Variants in APOH observed in about 807,000 individuals in gnomAD.
The protein encoded by APOH is beta-2-glycoprotein 1.
Under a neutral mutation model 39.8 loss-of-function variants are expected in APOH, and 48 were observed. That is an observed-to-expected ratio of 1.21 (90% CI 0.96 to 1.54). The LOEUF (loss-of-function observed/expected upper bound fraction) is 1.54, where lower values mean the gene tolerates loss of function less well. APOH is among the 40% of genes most tolerant of loss of function. The pLI is 0.00. For synonymous variants in APOH, 153 were observed against 151.1 expected, an observed-to-expected ratio of 1.01 and a Z score of -0.09; for missense variants, 415 against 421.2, an observed-to-expected ratio of 0.99 and a Z score of 0.13.
Position 66,224,678 on chromosome 17 carries a change from G to T in APOH, c.339-904C>A, listed in dbSNP as rs1180729829. On this transcript the variant is annotated intron_variant, in intron 3 of 7. Coordinates refer to ENST00000205948, the MANE Select transcript of APOH (RefSeq NM_000042.3). ...GAAGGGAAGGGAAGGGAAGGGAAGG[G>T]AAGGGAAGGGAAGGGAAAGGAAAGG... Among the ~76,000 whole-genome samples, 22 of 50,884 alleles carry T rather than the reference G, an allele frequency of 4.3e-4. 1 individual carries two copies. The highest frequency in any genetic ancestry group is 1.5e-3 in the African/African-American group (14 of 9,522). 33.4% of individuals were successfully genotyped at this position (50,884 alleles called of 152,430 possible). A position where few individuals can be genotyped will look rare whatever the true frequency, so the allele number is the denominator to read the frequency against.
Position 66,220,662 on chromosome 17 carries a change from A to G in APOH, c.496T>C (p.Tyr166His). The change falls in exon 5 of 8, where the codon TAT (tyrosine) becomes CAT (histidine). Residue 166 changes from tyrosine to histidine, a missense_variant. Tyr to His is a moderately conservative substitution (Grantham distance 83). Around this residue, in one of 3 missense-constraint regions of APOH, gnomAD observed 288 missense variants for 284.9 expected, o/e 1.01. Coordinates refer to ENST00000205948, the MANE Select transcript of APOH (RefSeq NM_000042.3). ...YKPSAGNNSL[Y>H]RDTAVFECLP... Reference sequence around the variant, plus strand: ...CATTCAAAAACTGCTGTGTCCCGATAGAGGGAATTGTTTCCAGCTGATGGC... The same window carrying G: ...CATTCAAAAACTGCTGTGTCCCGATGGAGGGAATTGTTTCCAGCTGATGGC... 6.2e-7 allele frequency: 1 copy of G among 1,614,206 alleles called. No homozygotes were observed. The highest frequency in any genetic ancestry group is 2.2e-5 in the East Asian group (1 of 44,892).
chr17:66,225,448 T>C (rs539648551), intron 3 of APOH, among the ~76,000 whole-genome samples: 1 of 152,280 alleles, frequency 6.6e-6, no homozygotes, highest in South Asian at 2.1e-4. Flanking sequence ...ACCAGGTTGG[T>C]CAATCAAATT....
At position 66,213,975 on chromosome 17, in the gene APOH, C is replaced by T. The variant is rs377253542; in HGVS notation, c.982+478G>A. Among the ~76,000 whole-genome samples the T allele has an allele frequency of 1.1e-4, 17 of 152,026 alleles. No individual in the cohort carries two copies. The East Asian group carries it at 2.5e-3, about 23-fold the overall frequency. ...TTGGAAAGGAAAATGCAAGTGGGGA[C>T]GCCATCTGCAGCTCACTGCTTCATA... On this transcript the variant is annotated intron_variant, in intron 7 of 7. Coordinates refer to ENST00000205948, the MANE Select transcript of APOH (RefSeq NM_000042.3).
chr17:66,217,963 T>C (rs2073375459), intron 5 of APOH, among the ~76,000 whole-genome samples: 1 of 151,784 alleles, frequency 6.6e-6, no homozygotes, highest in African/African-American at 2.4e-5. Context: ...TAAGAATCCA[T>C]GTGTCTATAA....
chr17:66,218,201 A>G lies in APOH; in HGVS notation c.605-1234T>C, dbSNP rs116584202. ...AGGTTGCTTACTATTCCAAAGAAAA[A>G]GCAGTGCCTTTACCAAAAGGTGATC... On this transcript the variant is annotated intron_variant, in intron 5 of 7. Transcript: ENST00000205948. 8.4e-4 allele frequency among the ~76,000 whole-genome samples: 128 copies of G among 152,340 alleles called. 1 individual carries two copies. The highest frequency in any genetic ancestry group is 3.0e-3 in the African/African-American group (123 of 41,588).
At position 66,223,742 on chromosome 17, in the gene APOH, C is replaced by T; in HGVS notation, c.371G>A (p.Cys124Tyr). 1 of 1,614,206 alleles carries T rather than the reference C, an allele frequency of 6.2e-7. No homozygotes were observed. The highest frequency in any genetic ancestry group is 8.5e-7 in the Non-Finnish European group (1 of 1,180,028). Residue 124 changes from cysteine (C) to tyrosine (Y), a missense_variant, in exon 4 of 8, where the codon TGC becomes TAC. By Grantham distance (194) the Cys-to-Tyr change is radical. Coordinates refer to ENST00000205948, the MANE Select transcript of APOH (RefSeq NM_000042.3). ...CGGGCTCCATTTTCCTTCCTCAGTG[C>T]ACTTGGCAGAATCAGCGCCATTCAG... ...FYLNGADSAKCTEEGKWSPEL... is the reference protein window; with the variant it reads ...FYLNGADSAKYTEEGKWSPEL...
chr17:66,228,842 T>C (rs957479685), intron 1 of APOH, among the ~76,000 whole-genome samples: 1 of 151,790 alleles, frequency 6.6e-6, no homozygotes, highest in African/African-American at 2.4e-5. Context: ...TTCTTATTAT[T>C]ATTATTGTTG....
chr17:66,219,780 A>T (rs1294659768), intron 5 of APOH, among the ~76,000 whole-genome samples: 1 of 152,072 alleles, frequency 6.6e-6, no homozygotes, highest in Admixed American at 6.6e-5. Flanking sequence ...TTAGCCAAGT[A>T]TGGTGACGGG....
At chr17:66,219,402 A>G (rs2073384240) in intron 5 of APOH, among the ~76,000 whole-genome samples, 1 of 152,092 alleles carries the variant, frequency 6.6e-6, no homozygotes, top group African/African-American at 2.4e-5. Flanking sequence ...TGATACGTCT[A>G]GGTGAAATTG....
intron 7 of APOH, among the ~76,000 whole-genome samples, 199 bp from the exon 8 acceptor site, chr17:66,212,387 T>C (rs1426824303): frequency 6.6e-6 from 1 of 152,178 alleles, no homozygotes; most frequent in Non-Finnish European, 1.5e-5. Context: ...TTTTTCTTTT[T>C]CTTTTTCCTT....
intron 7 of APOH, among the ~76,000 whole-genome samples, chr17:66,213,935 CAA>C (rs539350788): frequency 2.2e-5 from 3 of 135,898 alleles, no homozygotes; most frequent in Admixed American, 7.5e-5. Flanking sequence ...GACCTTGTCT[CAA>C]AAAAAAAAAA....
rs770893310 is a variant in APOH, at chr17:66,223,705, G to C, written c.408C>G (p.Val136=). Reference sequence around the variant, plus strand: ...CCTTGCCCACAGACTTACGAGCACAGACAGGAAGCTCCGGGCTCCATTTTC... The same window carrying C: ...CCTTGCCCACAGACTTACGAGCACACACAGGAAGCTCCGGGCTCCATTTTC... The part of the protein sequence containing the change: ...EEGKWSPELP[V]CAPIICPPPS... Residue 136 remains valine, a synonymous_variant, in exon 4 of 8, where the codon GTC becomes GTG. Coordinates refer to ENST00000205948, the MANE Select transcript of APOH (RefSeq NM_000042.3). 6.2e-7 allele frequency: 1 copy of C among 1,614,154 alleles called. No individual in the cohort carries two copies. The highest frequency in any genetic ancestry group is 8.5e-7 in the Non-Finnish European group (1 of 1,179,972).
Position 66,212,220 on chromosome 17 carries a change from GA to G in APOH, c.983-33del, listed in dbSNP as rs8178950. ...GGGGAGAAAAAGATAAACATTCTAA[GA>G]GAAACAATCATTTCTTAAATGTGGT... On this transcript the variant is annotated intron_variant, in intron 7 of 7. Transcript: ENST00000205948. 7.1e-3 allele frequency: 11,218 copies of G among 1,590,344 alleles called. 645 individuals are homozygous for G. The African/African-American group carries it at 0.13, about 18-fold the overall frequency.
chr17:66,214,624 CT>C lies in APOH; in HGVS notation c.810del (p.Ala271ProfsTer10). The C allele has an allele frequency of 6.2e-7, 1 of 1,613,236 alleles. No homozygotes were observed. The highest frequency in any genetic ancestry group is 8.5e-7 in the Non-Finnish European group (1 of 1,179,716). On this transcript the variant is annotated frameshift_variant, in exon 7 of 8. Transcript: ENST00000205948. LOFTEE classifies it high-confidence loss of function. ...CTCTCTCCTTGGTACACCACAGTGG[CT>C]TTTTTCACAGGTACTTTACAAGATG... The part of the protein sequence containing the change: ...CKASCKVPVK[K>X]ATVVYQGERV...
chr17:66,218,164 A>G (rs2073376764), intron 5 of APOH, among the ~76,000 whole-genome samples: 1 of 152,206 alleles, frequency 6.6e-6, no homozygotes, highest in African/African-American at 2.4e-5. Flanking sequence ...ATGGTTTCAA[A>G]GTATCACCCA....
Position 66,212,123 on chromosome 17 carries a change from GA to G in APOH, c.*9del. On this transcript the variant is annotated 3_prime_UTR_variant, in exon 8 of 8. Transcript: ENST00000205948. ...AAGTGTGACATTTTGTGTGGAATCTGAAAACCACCTTAGCATGGCTTTACAT... is the reference window on the plus strand; with the variant it reads ...AAGTGTGACATTTTGTGTGGAATCTGAAACCACCTTAGCATGGCTTTACAT... 1 of 1,612,000 alleles carries G rather than the reference GA, an allele frequency of 6.2e-7. No homozygotes were observed. Among genetic ancestry groups the G allele is most frequent in the Non-Finnish European group, 8.5e-7 (1 of 1,178,178 alleles).
chr17:66,229,362 G>T lies in APOH; in HGVS notation c.18C>A (p.Leu6=). The T allele has an allele frequency of 6.2e-7, 1 of 1,613,770 alleles. No homozygotes were observed. The highest frequency in any genetic ancestry group is 1.1e-5 in the South Asian group (1 of 91,002). Residue 6 remains leucine, a synonymous_variant, in exon 1 of 8, where the codon CTC becomes CTA. Transcript: ENST00000205948. The part of the protein sequence containing the change: MISPV[L]ILFSSFLCHV... Reference sequence around the variant, plus strand: ...GGCAGAGAAAACTCGAGAACAAGATGAGCACTGGAGAAATCATTGTGGATG... The same window carrying T: ...GGCAGAGAAAACTCGAGAACAAGATTAGCACTGGAGAAATCATTGTGGATG...
chr17:66,215,320 A>G (rs1234158331), intron 6 of APOH, among the ~76,000 whole-genome samples: 1 of 152,216 alleles, frequency 6.6e-6, no homozygotes, highest in Non-Finnish European at 1.5e-5. Flanking sequence ...ATCACCAGGG[A>G]ACCTGGCATA....
intron 4 of APOH, among the ~76,000 whole-genome samples, chr17:66,221,396 GAA>G (rs2073401005): frequency 1.4e-5 from 1 of 71,142 alleles, no homozygotes; most frequent in Non-Finnish European, 2.5e-5. Flanking sequence ...AGGAAGGAAG[GAA>G]GGAAGGAAGG....
Sources: allele counts gnomAD v4.1 joint callset (sites outside exome capture counted in the v4.1 genomes callset), GRCh38; gene constraint gnomAD v4.1.1; regional missense constraint gnomAD v4.1.1; transcripts MANE v1.5; gene names NCBI Gene and HGNC (gene_info 2026-07-23, HGNC 2026-07-21).